NCOA2: variants seen among roughly 807,000 people sequenced by gnomAD.
NCOA2 encodes class E basic helix-loop-helix protein 75.
NCOA2 carries 21 observed loss-of-function variants against 145.1 expected under a neutral mutation model. The ratio of observed to expected loss-of-function variants is 0.14; its 90% CI spans 0.10 to 0.21. The LOEUF is 0.21. NCOA2 is among the 10% of genes least tolerant of loss of function. The pLI is 1.00. For synonymous variants in NCOA2, 619 were observed against 637.5 expected (o/e 0.97, Z 0.44); for missense variants, 1,472 against 1,837.6 (o/e 0.80, Z 3.64).
At chr8:70,434,980 T>A in the NCOA2 span, among the ~76,000 whole-genome samples, 7 of 152,202 alleles carry the variant, frequency 4.6e-5, no homozygotes, top group African/African-American at 1.7e-4. Context: ...AGACATATTT[T>A]TCTTAACCAA....
At chr8:70,274,057 C>T (rs992921322) in intron 2 of NCOA2, among the ~76,000 whole-genome samples, 7 of 152,084 alleles carry the variant, frequency 4.6e-5, no homozygotes, top group Admixed American at 2.6e-4. Flanking sequence ...CTAATTAAGC[C>T]GAAGAAGTCT....
intron 14 of NCOA2, among the ~76,000 whole-genome samples, chr8:70,140,395 A>G (rs1810261787): frequency 6.6e-6 from 1 of 152,102 alleles, no homozygotes; most frequent in South Asian, 2.1e-4. Context: ...AATTTTAATA[A>G]TATGTGAACT....
the NCOA2 span, among the ~76,000 whole-genome samples, chr8:70,416,098 A>G: frequency 6.6e-6 from 1 of 152,054 alleles, no homozygotes; most frequent in African/African-American, 2.4e-5. Context: ...GAAGGCCAGT[A>G]GGGTGGAAAT....
At chr8:70,301,317 CCAAT>C in intron 1 of NCOA2, among the ~76,000 whole-genome samples, 1 of 152,108 alleles carries the variant, frequency 6.6e-6, no homozygotes, top group East Asian at 1.9e-4. Flanking sequence ...AAAGCTGCTA[CCAAT>C]CAAAGGATGC....
At chr8:70,185,015 ATT>A (rs2133087821) in intron 4 of NCOA2, among the ~76,000 whole-genome samples, 1 of 151,886 alleles carries the variant, frequency 6.6e-6, no homozygotes, top group Non-Finnish European at 1.5e-5. Flanking sequence ...ACCTGCTTGC[ATT>A]TCTCTCCTTG....
intron 1 of NCOA2, among the ~76,000 whole-genome samples, chr8:70,326,437 A>ATG (rs1806566417): frequency 6.7e-6 from 1 of 149,030 alleles, no homozygotes; most frequent in Non-Finnish European, 1.5e-5. Flanking sequence ...TCTCACACAC[A>ATG]CACACACACA....
At chr8:70,194,824 T>C (rs1817100427) in intron 4 of NCOA2, among the ~76,000 whole-genome samples, 1 of 152,136 alleles carries the variant, frequency 6.6e-6, no homozygotes, top group South Asian at 2.1e-4. Flanking sequence ...GCTGATACCA[T>C]GCTTACCCAA....
In NCOA2 at chr8:70,148,360, T is replaced by C. The variant is rs377192067; in HGVS notation, c.2518A>G (p.Ile840Val). ...GCTGTGAGTTGCATGAGGTCATTGA[T>C]GATGGCTTGCTTGTCAACTGATCCA... ...PAGSVDKQAI[I>V]NDLMQLTAEN... Residue 840 changes from isoleucine (I) to valine (V), a missense_variant, in exon 12 of 23, where the codon ATC becomes GTC. Coordinates refer to ENST00000452400, the MANE Select transcript of NCOA2 (RefSeq NM_006540.4). 6 of 1,613,924 alleles carry C rather than the reference T, an allele frequency of 3.7e-6. No homozygotes were observed. The highest frequency in any genetic ancestry group is 1.3e-5 in the African/African-American group (1 of 74,946).
Position 70,214,046 on chromosome 8 carries a change from C to T in NCOA2, c.116G>A (p.Arg39His), listed in dbSNP as rs760548404. The part of the protein sequence containing the change: ...SPKRNTEKRN[R>H]EQENKYIEEL... ...TTCTATATATTTATTTTCCTGTTCACGATTACGTTTTTCAGTGTTCCTTTT... is the reference window on the plus strand; with the variant it reads ...TTCTATATATTTATTTTCCTGTTCATGATTACGTTTTTCAGTGTTCCTTTT... Residue 39 changes from arginine to histidine, a missense_variant, in exon 4 of 23, where the codon CGT becomes CAT. Physicochemically the swap from Arg to His is conservative, Grantham distance 29. This residue lies in a region of NCOA2 where 284 missense variants were observed against 467.8 expected (regional missense o/e 0.61). Coordinates refer to ENST00000452400, the MANE Select transcript of NCOA2 (RefSeq NM_006540.4). 1.9e-6 allele frequency: 3 copies of T among 1,606,546 alleles called. No homozygotes were observed. Among genetic ancestry groups the T allele is most frequent in the Non-Finnish European group, 1.7e-6 (2 of 1,178,324 alleles).
the NCOA2 span, among the ~76,000 whole-genome samples, chr8:70,435,448 A>AG: frequency 6.8e-6 from 1 of 147,494 alleles, no homozygotes; most frequent in Non-Finnish European, 1.5e-5. Context: ...AAAAAAAAAA[A>AG]AAAAAGAATA....
In NCOA2 at chr8:70,304,471, A is replaced by AT. The variant is rs71558593; in HGVS notation, c.-76-7672dup. 9.0e-3 allele frequency among the ~76,000 whole-genome samples: 1,283 copies of AT among 142,160 alleles called. 8 individuals are homozygous for AT. Among genetic ancestry groups the AT allele is most frequent in the African/African-American group, 0.024 (937 of 38,538 alleles). 93.3% of individuals were successfully genotyped at this position (142,160 alleles called of 152,430 possible). On this transcript the variant is annotated intron_variant, in intron 1 of 22. Coordinates refer to ENST00000452400, the MANE Select transcript of NCOA2 (RefSeq NM_006540.4). ...CTAAGTGATGCGTGACTATATGCATATTTTTTTTTTTTTTTAGACAAGTCT... is the reference window on the plus strand; with the variant it reads ...CTAAGTGATGCGTGACTATATGCATATTTTTTTTTTTTTTTTAGACAAGTCT...
intron 2 of NCOA2, among the ~76,000 whole-genome samples, chr8:70,251,729 G>C (rs7832877): frequency 0.023 from 3,441 of 152,330 alleles, 128 homozygotes; most frequent in African/African-American, 0.078. Context: ...TTTGAGATCA[G>C]TATTACTCCC....
At chr8:70,448,913 T>G in the NCOA2 span, among the ~76,000 whole-genome samples, 1 of 151,572 alleles carries the variant, frequency 6.6e-6, no homozygotes, top group South Asian at 2.1e-4. Flanking sequence ...CGAGAGACCC[T>G]CCCACCTTAG....
upstream of NCOA2, chr8:70,403,910 C>T (rs927617085): frequency 2.7e-4 from 99 of 373,178 alleles, no homozygotes; most frequent in South Asian, 1.7e-3. Context: ...AGACAGACAG[C>T]GCGAGCTCGC....
intron 1 of NCOA2, among the ~76,000 whole-genome samples, chr8:70,373,932 A>G (rs945236066): frequency 1.3e-5 from 2 of 152,194 alleles, no homozygotes; most frequent in African/African-American, 4.8e-5. Context: ...TTGAAATTAG[A>G]GAGTGTAAAA....
At chr8:70,172,899 C>T (rs935296487) in intron 5 of NCOA2, among the ~76,000 whole-genome samples, 1 of 152,066 alleles carries the variant, frequency 6.6e-6, no homozygotes, top group African/African-American at 2.4e-5. Context: ...ATGAAAAAAG[C>T]TGACATTTGG....
chr8:70,403,178 T>A (rs1182089168), intron 1 of NCOA2, among the ~76,000 whole-genome samples: 14 of 151,288 alleles, frequency 9.3e-5, no homozygotes, highest in Admixed American at 3.3e-4. Context: ...CATTAAAGAA[T>A]GCACCTTCCC....
intron 14 of NCOA2, 44 bp from the exon 15 acceptor site, chr8:70,138,376 AG>A: frequency 6.5e-7 from 1 of 1,537,690 alleles, no homozygotes; most frequent in Non-Finnish European, 8.8e-7. Flanking sequence ...TAATCAAGGA[AG>A]CATTTATTTC....
chr8:70,296,991 C>T (rs1261985587), intron 1 of NCOA2, among the ~76,000 whole-genome samples, 191 bp from the exon 2 acceptor site: 2 of 152,302 alleles, frequency 1.3e-5, no homozygotes, highest in East Asian at 3.9e-4. Flanking sequence ...TGCTGCATTA[C>T]TTTTATTTGT....
Sources: gnomAD v4.1 joint callset for allele counts (sites outside exome capture counted in the v4.1 genomes callset) on GRCh38, gnomAD v4.1.1 for gene constraint, gnomAD v4.1.1 regional missense constraint, MANE v1.5 for transcripts, NCBI Gene and HGNC (gene_info 2026-07-23, HGNC 2026-07-21) for gene names.